The following CCDC148 variants were observed in gnomAD, a reference collection of about 807,000 sequenced individuals.
CCDC148 encodes coiled-coil domain containing 148.
A neutral mutation model predicts 85.7 loss-of-function variants in CCDC148; 89 were observed. The observed-to-expected ratio is 1.04, with a 90% CI of 0.87 to 1.24. The LOEUF is 1.24. CCDC148 is among the 50% of genes most tolerant of loss of function. The probability of loss-of-function intolerance (pLI) is 0.00; values close to 1 mark genes in which losing one functional copy is unlikely to be tolerated. For missense variants in CCDC148, 692 were observed against 671.7 expected (o/e 1.03, Z -0.33); for synonymous variants, 230 against 213.9 (o/e 1.08, Z -0.66).
intron 1 of CCDC148, among the ~76,000 whole-genome samples, chr2:158,377,273 G>C (rs552013782): frequency 2.7e-5 from 4 of 150,668 alleles, no homozygotes; most frequent in Non-Finnish European, 5.9e-5. Context: ...AGGGTGTGTC[G>C]ATGGTGTGGG....
chr2:158,429,317 G>A lies in CCDC148; in HGVS notation c.25+27098C>T, dbSNP rs542228743. Among the ~76,000 whole-genome samples the A allele has an allele frequency of 2.0e-5, 3 of 152,040 alleles. No individual in the cohort carries two copies. The South Asian group carries it at 6.2e-4, about 32-fold the overall frequency. ...AAAAAAATAAGTTTGAAAGTCCTTG[G>A]TGATCTTTAATGTCATAGGTAAGAT... is the stretch of plus-strand genomic sequence containing the variant. On this transcript the variant is annotated intron_variant, in intron 1 of 13. Coordinates refer to ENST00000283233, the MANE Select transcript of CCDC148 (RefSeq NM_138803.4).
chr2:158,292,896 C>T (rs190065406), intron 9 of CCDC148, among the ~76,000 whole-genome samples: 9 of 152,228 alleles, frequency 5.9e-5, no homozygotes, highest in Middle Eastern at 3.4e-3. Flanking sequence ...ACACAAGATT[C>T]CTCCTATAGC....
chr2:158,283,499 T>TGGCCGGGCGCGGTGGCTCACGCCTGTA (rs1690446409), intron 9 of CCDC148, among the ~76,000 whole-genome samples: 1 of 152,222 alleles, frequency 6.6e-6, no homozygotes, highest in African/African-American at 2.4e-5. Flanking sequence ...AGAAGACATT[T>TGGCCGGGCGCGGTGGCTCACGCCTGTA]ATGCAGCCAA....
intron 9 of CCDC148, among the ~76,000 whole-genome samples, chr2:158,281,791 T>C (rs898244980): frequency 1.3e-5 from 2 of 152,136 alleles, no homozygotes; most frequent in African/African-American, 4.8e-5. Flanking sequence ...GCCAGCATCA[T>C]CCTGATACCA....
intron 1 of CCDC148, among the ~76,000 whole-genome samples, chr2:158,450,327 C>A (rs1328234795): frequency 6.6e-6 from 1 of 152,192 alleles, no homozygotes; most frequent in African/African-American, 2.4e-5. Flanking sequence ...TCAGATCTAG[C>A]ATTTTACAAC....
At chr2:158,320,868 A>G (rs1284433729) in intron 7 of CCDC148, among the ~76,000 whole-genome samples, 1 of 152,194 alleles carries the variant, frequency 6.6e-6, no homozygotes, top group African/African-American at 2.4e-5. Flanking sequence ...GTCACTAGCT[A>G]AAACAATTAC....
At chr2:158,328,933 G>C (rs1692940847) in intron 7 of CCDC148, among the ~76,000 whole-genome samples, 1 of 151,928 alleles carries the variant, frequency 6.6e-6, no homozygotes, top group African/African-American at 2.4e-5. Context: ...CAGATGAGTA[G>C]AATGCAAAAA....
intron 9 of CCDC148, among the ~76,000 whole-genome samples, chr2:158,283,602 C>T (rs1273473970): frequency 1.3e-5 from 2 of 152,072 alleles, no homozygotes; most frequent in Admixed American, 6.6e-5. Flanking sequence ...GTTAGAATGG[C>T]AATCATTAAA....
At chr2:158,434,805 A>G (rs1687558483) in intron 1 of CCDC148, among the ~76,000 whole-genome samples, 1 of 152,228 alleles carries the variant, frequency 6.6e-6, no homozygotes, top group Non-Finnish European at 1.5e-5. Context: ...GCTGAAAACC[A>G]TGGCATGAGA....
At chr2:158,326,130 C>A (rs572782362) in intron 7 of CCDC148, among the ~76,000 whole-genome samples, 3 of 152,176 alleles carry the variant, frequency 2.0e-5, no homozygotes, top group Non-Finnish European at 4.4e-5. Context: ...TATGACCCCA[C>A]CTTCTACTAC....
At chr2:158,340,806 A>C in intron 3 of CCDC148, 126 bp from the exon 4 acceptor site, 1 of 622,360 alleles carries the variant, frequency 1.6e-6, no homozygotes, top group Non-Finnish European at 2.8e-6. Flanking sequence ...CATGTACTAA[A>C]TTCCTAACAT....
chr2:158,208,108 G>T (rs1686348469), intron 11 of CCDC148, among the ~76,000 whole-genome samples: 1 of 152,206 alleles, frequency 6.6e-6, no homozygotes, highest in African/African-American at 2.4e-5. Context: ...ATGACAAGAT[G>T]AGAGGATGAT....
intron 9 of CCDC148, among the ~76,000 whole-genome samples, chr2:158,274,291 T>C (rs1291048580): frequency 6.6e-6 from 1 of 152,196 alleles, no homozygotes; most frequent in African/African-American, 2.4e-5. Flanking sequence ...AGGTTTACAT[T>C]AAAGTATGAA....
chr2:158,456,055 T>G (rs1317888825), intron 1 of CCDC148, among the ~76,000 whole-genome samples: 3 of 152,184 alleles, frequency 2.0e-5, no homozygotes, highest in Non-Finnish European at 4.4e-5. Context: ...ACCTCTCAAG[T>G]GAAAGAACAT....
chr2:158,296,057 G>T (rs893092197), intron 9 of CCDC148, among the ~76,000 whole-genome samples: 1 of 152,146 alleles, frequency 6.6e-6, no homozygotes, highest in Non-Finnish European at 1.5e-5. Flanking sequence ...TATCTTAGCA[G>T]TGTCTTTCAA....
chr2:158,287,681 C>G (rs1344935561), intron 9 of CCDC148, among the ~76,000 whole-genome samples: 1 of 152,214 alleles, frequency 6.6e-6, no homozygotes, highest in African/African-American at 2.4e-5. Context: ...TTGCAAGGTA[C>G]AGCCTCCTTC....
chr2:158,240,452 TCACACA>T (rs4028276), intron 10 of CCDC148, among the ~76,000 whole-genome samples: 7,029 of 120,458 alleles, frequency 0.058, 322 homozygotes, highest in African/African-American at 0.13. Context: ...TCTCTCTCTC[TCACACA>T]CACACACACA....
chr2:158,339,177 T>C (rs10195053), intron 5 of CCDC148, 92 bp from the exon 6 acceptor site: 28,706 of 1,000,528 alleles, frequency 0.029, 816 homozygotes, highest in African/African-American at 0.12. Context: ...CAAAAGCCAA[T>C]CAGTGATGAA....
intron 11 of CCDC148, among the ~76,000 whole-genome samples, chr2:158,218,608 T>C (rs898923811): frequency 6.6e-6 from 1 of 152,190 alleles, no homozygotes; most frequent in Non-Finnish European, 1.5e-5. Flanking sequence ...GAACTACATA[T>C]CTGTTCTGTT....
Sources: allele counts gnomAD v4.1 joint callset (sites outside exome capture counted in the v4.1 genomes callset), GRCh38; gene constraint gnomAD v4.1.1; transcripts MANE v1.5; gene names NCBI Gene and HGNC (gene_info 2026-07-23, HGNC 2026-07-21).